Variants in PDE4B observed in about 807,000 individuals in gnomAD.
The protein encoded by PDE4B is phosphodiesterase 4B, also known as 3',5'-cyclic-AMP phosphodiesterase 4B.
Under a neutral mutation model 82.2 loss-of-function variants are expected in PDE4B, and 20 were observed. The ratio of observed to expected loss-of-function variants is 0.24; its 90% confidence interval spans 0.17 to 0.35. PDE4B has a LOEUF of 0.35. PDE4B is among the 10% of genes least tolerant of loss of function. The probability of loss-of-function intolerance (pLI) is 1.00; values close to 1 mark genes in which losing one functional copy is unlikely to be tolerated. For synonymous variants in PDE4B, 320 were observed against 318.9 expected (o/e 1.00, Z -0.04); for missense variants, 655 against 907.2 (o/e 0.72, Z 3.57).
At chr1:66,119,022 T>G (rs1570279444) in intron 3 of PDE4B, among the ~76,000 whole-genome samples, 1 of 152,204 alleles carries the variant, frequency 6.6e-6, no homozygotes, top group East Asian at 1.9e-4. Flanking sequence ...CAATTTCATT[T>G]TATAAGTAGC....
At chr1:66,037,839 TA>T (rs1373165000) in intron 3 of PDE4B, among the ~76,000 whole-genome samples, 2 of 152,160 alleles carry the variant, frequency 1.3e-5, no homozygotes, top group African/African-American at 4.8e-5. Context: ...TATCATTTTA[TA>T]AAAGATTATG....
chr1:66,234,657 C>T (rs931778320), intron 3 of PDE4B, among the ~76,000 whole-genome samples: 5 of 151,954 alleles, frequency 3.3e-5, no homozygotes, highest in African/African-American at 1.2e-4. Context: ...GTTATCTCCT[C>T]TCTCATTCTT....
At chr1:66,283,976 T>C (rs891644601) in intron 7 of PDE4B, among the ~76,000 whole-genome samples, 3 of 152,168 alleles carry the variant, frequency 2.0e-5, no homozygotes, top group Non-Finnish European at 4.4e-5. Context: ...CACCACAACA[T>C]GAATCAGGCA....
At chr1:65,812,067 A>G (rs948140549) in intron 1 of PDE4B, among the ~76,000 whole-genome samples, 1 of 152,182 alleles carries the variant, frequency 6.6e-6, no homozygotes, top group Non-Finnish European at 1.5e-5. Context: ...TCATTTCACT[A>G]AAGAAGTTTT....
At chr1:66,078,081 G>A (rs745547139) in intron 3 of PDE4B, among the ~76,000 whole-genome samples, 10 of 152,084 alleles carry the variant, frequency 6.6e-5, no homozygotes, top group Non-Finnish European at 1.2e-4. Context: ...ACCATTTTAC[G>A]AAAGAGAAAA....
chr1:66,350,135 GC>G (rs1373391188), intron 8 of PDE4B, among the ~76,000 whole-genome samples: 1 of 151,894 alleles, frequency 6.6e-6, no homozygotes, highest in African/African-American at 2.4e-5. Flanking sequence ...GGAATTTTCA[GC>G]CCCTTCACTT....
intron 3 of PDE4B, among the ~76,000 whole-genome samples, chr1:66,228,480 C>T (rs1199622532): frequency 2.6e-5 from 4 of 151,992 alleles, no homozygotes; most frequent in African/African-American, 9.7e-5. Context: ...AAAAATTAGC[C>T]AGACATGGTG....
At position 66,312,025 on chromosome 1, in the gene PDE4B, T is replaced by C. The variant is rs1004408750; in HGVS notation, c.635-20483T>C. On this transcript the variant is annotated intron_variant, in intron 7 of 16. Coordinates refer to ENST00000341517, the MANE Select transcript of PDE4B (RefSeq NM_002600.4). ...AAACACGGATATAGAGAAATTCACC[T>C]CAGTGCCTCTTATTCTTCATCAGGG... Among the ~76,000 whole-genome samples, 10 of 152,340 alleles carry C rather than the reference T, an allele frequency of 6.6e-5. 2 individuals are homozygous for C. The South Asian group carries it at 2.1e-3, about 32-fold the overall frequency.
chr1:66,368,839 T>C lies in PDE4B; in HGVS notation c.1715T>C (p.Leu572Ser), dbSNP rs774806616. ...CADLSNPTKS[L>S]ELYRQWTDRI... ...GACCTGAGCAACCCCACCAAGTCCT[T>C]GGAATTGTATCGGCAATGGACAGAC... Residue 572 changes from leucine to serine, a missense_variant, in exon 16 of 17, where the codon TTG (leucine) becomes TCG (serine). Physicochemically the swap from Leu to Ser is moderately radical, Grantham distance 145. This residue lies in a region of PDE4B where 283 missense variants were observed against 516.4 expected (regional missense o/e 0.55). Coordinates refer to ENST00000341517, the MANE Select transcript of PDE4B (RefSeq NM_002600.4). 3 of 1,613,210 alleles carry C rather than the reference T, an allele frequency of 1.9e-6. No individual in the cohort carries two copies. The highest frequency in any genetic ancestry group is 2.5e-6 in the Non-Finnish European group (3 of 1,179,442).
intron 1 of PDE4B, among the ~76,000 whole-genome samples, chr1:65,819,305 C>G (rs1645923341): frequency 6.6e-6 from 1 of 151,876 alleles, no homozygotes; most frequent in South Asian, 2.1e-4. Context: ...TATCCAATAC[C>G]CTATGCCTGA....
chr1:66,213,738 A>T (rs905220494), intron 3 of PDE4B, among the ~76,000 whole-genome samples: 2 of 152,046 alleles, frequency 1.3e-5, no homozygotes, highest in Non-Finnish European at 2.9e-5. Context: ...ATTTATTTTC[A>T]CTTAGAATTT....
chr1:66,235,432 T>C (rs1009968148), intron 3 of PDE4B, among the ~76,000 whole-genome samples: 1 of 152,222 alleles, frequency 6.6e-6, no homozygotes, highest in Admixed American at 6.5e-5. Flanking sequence ...CTGACTCTTT[T>C]ATCATTATGA....
At chr1:66,064,031 A>G (rs960377160) in intron 3 of PDE4B, among the ~76,000 whole-genome samples, 2 of 151,990 alleles carry the variant, frequency 1.3e-5, no homozygotes, top group Admixed American at 1.3e-4. Flanking sequence ...CCCAAAATTG[A>G]GTCAGTGCTT....
intron 7 of PDE4B, among the ~76,000 whole-genome samples, chr1:66,298,330 C>T (rs555791491): frequency 6.6e-6 from 1 of 152,234 alleles, no homozygotes; most frequent in South Asian, 2.1e-4. Context: ...GCTTGCCTGA[C>T]TACCTAATAG....
intron 1 of PDE4B, among the ~76,000 whole-genome samples, chr1:65,799,314 T>C (rs1645668677): frequency 6.6e-6 from 1 of 152,222 alleles, no homozygotes; most frequent in Non-Finnish European, 1.5e-5. Context: ...GATATTTTCT[T>C]TAAGAAATCA....
At chr1:65,857,995 T>G (rs1372779237) in intron 1 of PDE4B, among the ~76,000 whole-genome samples, 2 of 152,204 alleles carry the variant, frequency 1.3e-5, no homozygotes, top group African/African-American at 4.8e-5. Flanking sequence ...AGCTTTCTTT[T>G]GTATTCAAAC....
chr1:66,316,930 C>T (rs569879518), intron 7 of PDE4B, among the ~76,000 whole-genome samples: 93 of 152,268 alleles, frequency 6.1e-4, no homozygotes, highest in African/African-American at 2.0e-3. Flanking sequence ...AGGGCCGGAA[C>T]GGAAGTACTG....
intron 3 of PDE4B, among the ~76,000 whole-genome samples, chr1:66,096,508 T>TTA (rs4068855): frequency 0.014 from 1,479 of 107,218 alleles, 51 homozygotes; most frequent in African/African-American, 0.045. Context: ...GTAAAAAAAA[T>TTA]TATATATATA....
intron 3 of PDE4B, among the ~76,000 whole-genome samples, chr1:66,040,360 T>A (rs1032678752): frequency 1.3e-5 from 2 of 151,978 alleles, no homozygotes; most frequent in Admixed American, 6.6e-5. Context: ...CCTTCCTAAC[T>A]CACCAGGAAG....
Sources: gnomAD v4.1 joint callset for allele counts (sites outside exome capture counted in the v4.1 genomes callset) on GRCh38, gnomAD v4.1.1 for gene constraint, gnomAD v4.1.1 regional missense constraint, MANE v1.5 for transcripts, NCBI Gene and HGNC (gene_info 2026-07-23, HGNC 2026-07-21) for gene names.